NCOA2: variants seen among roughly 807,000 people sequenced by gnomAD.
NCOA2 encodes the protein class E basic helix-loop-helix protein 75.
In NCOA2, 21 loss-of-function variants were observed where a neutral mutation model predicts 145.1. The ratio of observed to expected loss-of-function variants is 0.14; its 90% confidence interval spans 0.10 to 0.21. The LOEUF is 0.21. Among genes scored for constraint, NCOA2 ranks in the 10% least tolerant of loss-of-function variants. NCOA2 has a pLI of 1.00. For missense variants in NCOA2, 1,472 were observed against 1,837.6 expected, an observed-to-expected ratio of 0.80 and a Z score of 3.64; for synonymous variants, 619 against 637.5, an observed-to-expected ratio of 0.97 and a Z score of 0.44.
intron 2 of NCOA2, among the ~76,000 whole-genome samples, chr8:70,290,249 C>T (rs557097595): frequency 1.4e-5 from 2 of 146,356 alleles, no homozygotes; most frequent in African/African-American, 2.6e-5. Flanking sequence ...TGCAGTGGCG[C>T]GATTTCTCGG....
the NCOA2 span, among the ~76,000 whole-genome samples, chr8:70,417,662 T>C: frequency 6.6e-6 from 1 of 152,208 alleles, no homozygotes; most frequent in Non-Finnish European, 1.5e-5. Context: ...TCGTGGTTTT[T>C]TACCCGGTCA....
chr8:70,376,186 T>A (rs969138028), intron 1 of NCOA2, among the ~76,000 whole-genome samples: 92 of 152,268 alleles, frequency 6.0e-4, no homozygotes, highest in African/African-American at 2.1e-3. Context: ...GCAGTGGCAA[T>A]TTTACAATAC....
intron 12 of NCOA2, among the ~76,000 whole-genome samples, chr8:70,146,453 C>T (rs1184531375): frequency 3.9e-5 from 6 of 152,076 alleles, no homozygotes; most frequent in Non-Finnish European, 8.8e-5. Context: ...TAAACATAGT[C>T]TGAAATAGCA....
chr8:70,124,093 A>G lies in NCOA2; in HGVS notation c.4095-11T>C. On this transcript the variant is annotated splice_polypyrimidine_tract_variant and intron_variant, in intron 20 of 22. Coordinates refer to ENST00000452400, the MANE Select transcript of NCOA2 (RefSeq NM_006540.4). ...TGCTGGGAAAACATGCTGGAATACA[A>G]TGGAAAGATTGAATGAATGTTACAG... The G allele has an allele frequency of 6.2e-7, 1 of 1,610,546 alleles. No individual in the cohort carries two copies. Among genetic ancestry groups the G allele is most frequent in the Non-Finnish European group, 8.5e-7 (1 of 1,177,580 alleles).
intron 1 of NCOA2, among the ~76,000 whole-genome samples, chr8:70,317,310 A>G (rs534942892): frequency 6.6e-6 from 1 of 152,290 alleles, no homozygotes; most frequent in African/African-American, 2.4e-5. Context: ...AGCACTTAAG[A>G]GCTGTTAGAT....
chr8:70,306,690 G>A (rs1475190776), intron 1 of NCOA2, among the ~76,000 whole-genome samples: 1 of 152,034 alleles, frequency 6.6e-6, no homozygotes, highest in Non-Finnish European at 1.5e-5. Flanking sequence ...ATGAGCCTGG[G>A]CAACAAGGCG....
chr8:70,234,435 A>G (rs1404056146), intron 2 of NCOA2, among the ~76,000 whole-genome samples: 2 of 152,210 alleles, frequency 1.3e-5, no homozygotes, highest in Non-Finnish European at 2.9e-5. Context: ...AAGAAATGCG[A>G]AACTACTTCC....
At position 70,337,200 on chromosome 8, in the gene NCOA2, A is replaced by AGTGTGTGTGTGT. The variant is rs72265721; in HGVS notation, c.-76-40412_-76-40401dup. Among the ~76,000 whole-genome samples the AGTGTGTGTGTGT allele has an allele frequency of 8.4e-3, 1,236 of 146,314 alleles. 16 individuals carry two copies. Among genetic ancestry groups the AGTGTGTGTGTGT allele is most frequent in the African/African-American group, 0.029 (1,172 of 40,324 alleles). On this transcript the variant is annotated intron_variant, in intron 1 of 22. Transcript: ENST00000452400. Reference sequence around the variant, plus strand: ...TTTAGCCTACCCAGCACTGCTGAGGAGTGTGTGTGTGTGTGTGTGTGTGTG... The same window carrying AGTGTGTGTGTGT: ...TTTAGCCTACCCAGCACTGCTGAGGAGTGTGTGTGTGTGTGTGTGTGTGTGTGTGTGTGTGTG...
the NCOA2 span, among the ~76,000 whole-genome samples, chr8:70,447,682 C>CTTTTTTTTTTTT: frequency 8.8e-5 from 10 of 113,062 alleles, no homozygotes; most frequent in African/African-American, 1.8e-4. Context: ...TCTTTGTTTT[C>CTTTTTTTTTTTT]TTTTTTTTTT....
chr8:70,394,110 C>T (rs192463479), intron 1 of NCOA2, among the ~76,000 whole-genome samples: 1 of 152,328 alleles, frequency 6.6e-6, no homozygotes, highest in Admixed American at 6.5e-5. Context: ...TCATGACGTA[C>T]TGCCTATTTA....
chr8:70,239,330 A>G (rs1038966711), intron 2 of NCOA2, among the ~76,000 whole-genome samples: 1 of 152,146 alleles, frequency 6.6e-6, no homozygotes, highest in African/African-American at 2.4e-5. Flanking sequence ...TATCATCTAA[A>G]TGAAAGACTA....
intron 1 of NCOA2, among the ~76,000 whole-genome samples, chr8:70,397,410 A>G (rs6991218): frequency 0.13 from 19,817 of 150,850 alleles, 2,261 homozygotes; most frequent in African/African-American, 0.31. Flanking sequence ...CTGAGATCAC[A>G]CCACTGCACT....
intron 15 of NCOA2, among the ~76,000 whole-genome samples, chr8:70,136,808 C>A (rs1809789780): frequency 6.6e-6 from 1 of 152,170 alleles, no homozygotes; most frequent in Non-Finnish European, 1.5e-5. Flanking sequence ...CTTTATTACC[C>A]ATTACTTCTG....
rs77735392 is a variant in NCOA2, at chr8:70,195,199, T to C, written c.259+18704A>G. Among the ~76,000 whole-genome samples, 344 of 152,352 alleles carry C rather than the reference T, an allele frequency of 2.3e-3. 1 individual carries two copies. The highest frequency in any genetic ancestry group is 8.0e-3 in the African/African-American group (331 of 41,580). On this transcript the variant is annotated intron_variant, in intron 4 of 22. Transcript: ENST00000452400. ...TGACCCTTTTGCTTTTGACAGAGTA[T>C]ATGTGACAGACTTTGCTAGTACATA... is the stretch of plus-strand genomic sequence containing the variant.
At chr8:70,127,829 C>T (rs1238096140) in intron 18 of NCOA2, among the ~76,000 whole-genome samples, 1 of 152,192 alleles carries the variant, frequency 6.6e-6, no homozygotes, top group South Asian at 2.1e-4. Context: ...AACACTTTGC[C>T]TTCTGGTTTC....
At chr8:70,273,591 C>A in intron 2 of NCOA2, 1 of 761,520 alleles carries the variant, frequency 1.3e-6, no homozygotes. Context: ...AACCCTAAAG[C>A]CCAGACATCT....
At chr8:70,372,580 C>T (rs770809060) in intron 1 of NCOA2, among the ~76,000 whole-genome samples, 1 of 152,178 alleles carries the variant, frequency 6.6e-6, no homozygotes, top group Non-Finnish European at 1.5e-5. Context: ...AGAATTCATA[C>T]ACTTCTCAAA....
chr8:70,203,162 C>T (rs1275672631), intron 4 of NCOA2, among the ~76,000 whole-genome samples: 1 of 150,338 alleles, frequency 6.7e-6, no homozygotes, highest in South Asian at 2.1e-4. Flanking sequence ...AATCAGGAGG[C>T]TGACGCAGAA....
chr8:70,152,610 C>T (rs1041788989), intron 11 of NCOA2, among the ~76,000 whole-genome samples: 2 of 152,180 alleles, frequency 1.3e-5, no homozygotes, highest in African/African-American at 4.8e-5. Flanking sequence ...GGTTAAGTAT[C>T]AACCATGTTC....
Sources: allele counts gnomAD v4.1 joint callset (sites outside exome capture counted in the v4.1 genomes callset), GRCh38; gene constraint gnomAD v4.1.1; transcripts MANE v1.5; gene names NCBI Gene and HGNC (gene_info 2026-07-23, HGNC 2026-07-21).